The following TFB2M variants were observed in gnomAD, a reference collection of about 807,000 sequenced individuals.
TFB2M encodes the protein dimethyladenosine transferase 2, mitochondrial.
In TFB2M, 44 loss-of-function variants were observed where a neutral mutation model predicts 41.3. That is an observed-to-expected ratio of 1.07 (90% CI 0.84 to 1.37). The LOEUF is 1.37. Ranked by LOEUF, TFB2M falls within the 40% of genes most tolerant of loss-of-function variation. The pLI, the probability that TFB2M is intolerant of heterozygous loss-of-function variation, is 0.00. For missense variants in TFB2M, 496 were observed against 490.2 expected (o/e 1.01, Z -0.11); for synonymous variants, 188 against 176.8 (o/e 1.06, Z -0.50).
chr1:246,559,960 G>A (rs986377144), intron 2 of TFB2M, among the ~76,000 whole-genome samples: 4 of 152,192 alleles, frequency 2.6e-5, no homozygotes, highest in East Asian at 1.9e-4. Context: ...TAATGCATAC[G>A]ATTGTCAGTC....
intron 6 of TFB2M, among the ~76,000 whole-genome samples, chr1:246,544,966 T>C (rs368675688): frequency 0.025 from 3,593 of 145,492 alleles, 45 homozygotes; most frequent in Non-Finnish European, 0.032. Flanking sequence ...CCACCACGCC[T>C]GGCTAATTTT....
At chr1:246,550,112 G>A (rs1244681212) in intron 5 of TFB2M, among the ~76,000 whole-genome samples, 4 of 152,148 alleles carry the variant, frequency 2.6e-5, no homozygotes, top group African/African-American at 9.7e-5. Context: ...AAATACTAAG[G>A]GAACAAGAAG....
Position 246,541,192 on chromosome 1 carries a change from G to GAGTCAA in TFB2M, c.1024_1029dup (p.Leu342_Thr343dup). 1 of 1,613,448 alleles carries GAGTCAA rather than the reference G, an allele frequency of 6.2e-7. No individual in the cohort carries two copies. The highest frequency in any genetic ancestry group is 8.5e-7 in the Non-Finnish European group (1 of 1,179,780). On this transcript the variant is annotated inframe_insertion, in exon 8 of 8. Transcript: ENST00000366514. ...ATCAATATATCTCTCGCATCAAGTG[G>GAGTCAA]AGTCAATGAACTGCAAAAGAAATAC...
intron 1 of TFB2M, 71 bp from the exon 2 acceptor site, chr1:246,564,505 T>C (rs1387929598): frequency 1.6e-5 from 22 of 1,404,674 alleles, no homozygotes; most frequent in African/African-American, 8.6e-5. Flanking sequence ...AAACTTTCAT[T>C]AGATGTTTCA....
intron 4 of TFB2M, among the ~76,000 whole-genome samples, chr1:246,553,155 A>G (rs1474890546): frequency 6.6e-5 from 10 of 152,200 alleles, no homozygotes. Flanking sequence ...TGGGAGGCGG[A>G]GGTTGCAGTG....
intron 2 of TFB2M, among the ~76,000 whole-genome samples, chr1:246,558,202 A>G (rs548193550): frequency 2.0e-5 from 3 of 148,014 alleles, no homozygotes; most frequent in Non-Finnish European, 4.5e-5. Context: ...GCAGGAGTGC[A>G]GTGGCGCAAT....
intron 2 of TFB2M, among the ~76,000 whole-genome samples, chr1:246,563,429 C>T (rs1448992291): frequency 6.6e-6 from 1 of 151,934 alleles, no homozygotes; most frequent in Admixed American, 6.6e-5. Context: ...CATGGTGAAA[C>T]CCCGTCACTA....
At position 246,541,351 on chromosome 1, in the gene TFB2M, G is replaced by GAGGATGGGAGGAGGGTGA. The variant is rs531247727; in HGVS notation, c.1020-167_1020-150dup. On this transcript the variant is annotated intron_variant, in intron 7 of 7. Transcript: ENST00000366514. ...TGGACACGGGAGAATCAGCAGGGAA[G>GAGGATGGGAGGAGGGTGA]AGGATGGGAGGAGGGTGAAGGATGG... The GAGGATGGGAGGAGGGTGA allele has an allele frequency of 2.0e-3, 1,393 of 704,470 alleles. 26 individuals are homozygous for GAGGATGGGAGGAGGGTGA. The African/African-American group carries it at 0.023, about 12-fold the overall frequency. 43.6% of individuals were successfully genotyped at this position (704,470 alleles called of 1,614,324 possible).
At chr1:246,547,140 C>T (rs1289899016) in intron 6 of TFB2M, among the ~76,000 whole-genome samples, 1 of 152,114 alleles carries the variant, frequency 6.6e-6, no homozygotes, top group African/African-American at 2.4e-5. Context: ...CACGCCACCA[C>T]ACCCAGCTAA....
At position 246,548,585 on chromosome 1, in the gene TFB2M, A is replaced by G. The variant is rs756988237; in HGVS notation, c.818T>C (p.Ile273Thr). The G allele has an allele frequency of 1.1e-5, 17 of 1,613,360 alleles. No homozygotes were observed. Among genetic ancestry groups the G allele is most frequent in the Admixed American group, 3.3e-5 (2 of 59,980 alleles). Residue 273 changes from isoleucine to threonine, a missense_variant, in exon 6 of 8, where the codon ATA becomes ACA. Coordinates refer to ENST00000366514, the MANE Select transcript of TFB2M (RefSeq NM_022366.3). Reference protein sequence around the residue: ...LHMEPWSSFDIYTRKGPLENP... With the variant: ...LHMEPWSSFDTYTRKGPLENP... ...TTCCAGCGGCCCTTTCCGGGTGTAT[A>G]TATCAAATGATGACCAAGGCTCCTG... is the stretch of plus-strand genomic sequence containing the variant.
At chr1:246,545,085 C>T (rs560505516) in intron 6 of TFB2M, among the ~76,000 whole-genome samples, 34 of 152,146 alleles carry the variant, frequency 2.2e-4, no homozygotes, top group South Asian at 4.2e-4. Context: ...GGATTACAGG[C>T]GTGAGCCACC....
intron 2 of TFB2M, among the ~76,000 whole-genome samples, chr1:246,560,386 G>T (rs2341680): frequency 0.95 from 144,324 of 152,244 alleles, 68,668 homozygotes; most frequent in Non-Finnish European, 0.99. Flanking sequence ...AGCCAGGTGT[G>T]GGGGCGTGTG....
At chr1:246,564,954 C>G (rs1323667529) in intron 1 of TFB2M, among the ~76,000 whole-genome samples, 1 of 152,194 alleles carries the variant, frequency 6.6e-6, no homozygotes, top group Non-Finnish European at 1.5e-5. Flanking sequence ...TGCTGGATTA[C>G]AGGCGTGAGC....
In TFB2M at chr1:246,558,223, T is replaced by C. The variant is rs373022592; in HGVS notation, c.403-689A>G. Among the ~76,000 whole-genome samples the C allele has an allele frequency of 6.6e-5, 10 of 151,134 alleles. No homozygotes were observed. In the East Asian group the frequency reaches 9.7e-4, roughly 15 times the overall value. On this transcript the variant is annotated intron_variant, in intron 2 of 7. Transcript: ENST00000366514. ...GTGCAGTGGCGCAATCCCAGCTGAC[T>C]GCAGCCTTGACCTCCTGGGCTTAAG...
At chr1:246,562,849 G>A (rs529126095) in intron 2 of TFB2M, among the ~76,000 whole-genome samples, 5 of 152,138 alleles carry the variant, frequency 3.3e-5, no homozygotes, top group South Asian at 2.1e-4. Flanking sequence ...TAGTAGAGAC[G>A]GGGTTTCACC....
chr1:246,555,958 T>C (rs1255145916), intron 4 of TFB2M, among the ~76,000 whole-genome samples: 2 of 152,046 alleles, frequency 1.3e-5, no homozygotes, highest in Non-Finnish European at 2.9e-5. Flanking sequence ...GCCTGGCTAA[T>C]TTTTGTATTT....
intron 6 of TFB2M, 94 bp from the exon 7 acceptor site, chr1:246,544,775 A>G: frequency 9.4e-7 from 1 of 1,065,534 alleles, no homozygotes; most frequent in South Asian, 1.6e-5. Flanking sequence ...GCTGAAAGAC[A>G]CAATCACCAC....
Position 246,564,350 on chromosome 1 carries a change from A to G in TFB2M, c.398T>C (p.Leu133Ser). 6.2e-7 allele frequency: 1 copy of G among 1,614,074 alleles called. No homozygotes were observed. Among genetic ancestry groups the G allele is most frequent in the Non-Finnish European group, 8.5e-7 (1 of 1,179,900 alleles). The part of the protein sequence containing the change: ...LESDKTFIPH[L>S]ESLGKNLDGK... ...GTTGAGAAACTAAAAATATACCTCCAAATGTGGAATAAAAGTTTTGTCACT... is the reference window on the plus strand; with the variant it reads ...GTTGAGAAACTAAAAATATACCTCCGAATGTGGAATAAAAGTTTTGTCACT... The change falls in exon 2 of 8, where the codon TTG becomes TCG. Residue 133 changes from leucine to serine, a missense_variant. Coordinates refer to ENST00000366514, the MANE Select transcript of TFB2M (RefSeq NM_022366.3).
chr1:246,541,268 A>C, intron 7 of TFB2M, 66 bp from the exon 8 acceptor site: 1 of 1,482,894 alleles, frequency 6.7e-7, no homozygotes, highest in South Asian at 1.3e-5. Flanking sequence ...TCACGGTGAC[A>C]GAAATGGCTT....
Sources: gnomAD v4.1 joint callset for allele counts (sites outside exome capture counted in the v4.1 genomes callset) on GRCh38, gnomAD v4.1.1 for gene constraint, MANE v1.5 for transcripts, NCBI Gene and HGNC (gene_info 2026-07-23, HGNC 2026-07-21) for gene names.